KCNMA1: variants seen among roughly 807,000 people sequenced by gnomAD.
KCNMA1 encodes the protein potassium calcium-activated channel subfamily M alpha 1.
In KCNMA1, 29 loss-of-function variants were observed where a neutral mutation model predicts 140.0. The ratio of observed to expected loss-of-function variants is 0.21; its 90% CI spans 0.15 to 0.28. KCNMA1 has a LOEUF of 0.28. Among genes scored for constraint, KCNMA1 ranks in the 10% least tolerant of loss-of-function variants. KCNMA1 has a pLI of 1.00. For synonymous variants in KCNMA1, 612 were observed against 611.9 expected, an observed-to-expected ratio of 1.00 and a Z score of 0.00; for missense variants, 880 against 1,602.2, an observed-to-expected ratio of 0.55 and a Z score of 7.70.
chr10:76,963,242 G>A (rs975187132), intron 20 of KCNMA1, among the ~76,000 whole-genome samples: 2 of 152,142 alleles, frequency 1.3e-5, no homozygotes. Flanking sequence ...CAAAAGAGTG[G>A]TTCTCAAACT....
intron 9 of KCNMA1, among the ~76,000 whole-genome samples, chr10:77,099,635 A>G (rs1263555850): frequency 6.6e-6 from 1 of 151,896 alleles, no homozygotes; most frequent in Non-Finnish European, 1.5e-5. Context: ...AATTGCTTGA[A>G]TCTGGGAGGT....
At chr10:77,106,511 C>T (rs1172201519) in intron 9 of KCNMA1, among the ~76,000 whole-genome samples, 1 of 149,588 alleles carries the variant, frequency 6.7e-6, no homozygotes, top group African/African-American at 2.5e-5. Flanking sequence ...CCAGCTCACC[C>T]ACATTTGACT....
intron 19 of KCNMA1, among the ~76,000 whole-genome samples, chr10:76,992,179 A>T (rs191941729): frequency 6.6e-6 from 1 of 152,182 alleles, no homozygotes; most frequent in African/African-American, 2.4e-5. Flanking sequence ...TCCCTTGAAT[A>T]TGAGAGATTA....
At chr10:77,268,310 A>C (rs572938735) in intron 2 of KCNMA1, among the ~76,000 whole-genome samples, 1 of 152,286 alleles carries the variant, frequency 6.6e-6, no homozygotes, top group African/African-American at 2.4e-5. Context: ...TTCTGTGCCT[A>C]CACACAGGCA....
chr10:77,617,949 A>G (rs1603638692), intron 1 of KCNMA1, among the ~76,000 whole-genome samples: 1 of 152,178 alleles, frequency 6.6e-6, no homozygotes, highest in East Asian at 1.9e-4. Context: ...TCCTGGGTGC[A>G]GTGCTACATT....
At chr10:76,984,988 G>C (rs544632816) in intron 19 of KCNMA1, among the ~76,000 whole-genome samples, 18 of 152,192 alleles carry the variant, frequency 1.2e-4, no homozygotes, top group Non-Finnish European at 1.9e-4. Context: ...TTTATTTCTA[G>C]AAAAGCAGCG....
chr10:77,391,168 A>G (rs988870269), intron 2 of KCNMA1, among the ~76,000 whole-genome samples: 1 of 152,190 alleles, frequency 6.6e-6, no homozygotes, highest in African/African-American at 2.4e-5. Flanking sequence ...TGCCCAGTCC[A>G]TCTACCTTCC....
intron 1 of KCNMA1, chr10:77,493,659 G>A (rs1415349667): frequency 6.6e-6 from 1 of 152,302 alleles, no homozygotes; most frequent in African/African-American, 2.4e-5. Context: ...ACTGGGTGGG[G>A]AGTGTGTGGC....
intron 1 of KCNMA1, among the ~76,000 whole-genome samples, chr10:77,466,154 C>T (rs777424784): frequency 3.3e-4 from 50 of 152,158 alleles, no homozygotes; most frequent in Admixed American, 6.5e-5. Context: ...GCCTGGCTGC[C>T]CTCACTCCTC....
chr10:76,955,952 G>A (rs539778700), intron 20 of KCNMA1, among the ~76,000 whole-genome samples: 1 of 152,272 alleles, frequency 6.6e-6, no homozygotes, highest in Non-Finnish European at 1.5e-5. Context: ...CCTGTTTACT[G>A]GTTGGAGAGA....
At chr10:77,261,786 T>C (rs1268697201) in intron 2 of KCNMA1, among the ~76,000 whole-genome samples, 1 of 152,170 alleles carries the variant, frequency 6.6e-6, no homozygotes, top group Non-Finnish European at 1.5e-5. Flanking sequence ...CCATTTGAGG[T>C]CTAAAGTTGG....
Position 77,112,391 on chromosome 10 carries a change from C to A in KCNMA1, c.936G>T (p.Leu312=). ...CCAAATGGATGAACCCGGCTGCAGT[C>A]AGCCACGTGCTGATAAATATGGAGA... ...NLLSIFISTW[L]TAAGFIHLVE... Residue 312 remains leucine, a synonymous_variant, in exon 7 of 28, where the codon CTG becomes CTT. Coordinates refer to ENST00000286628, the MANE Select transcript of KCNMA1 (RefSeq NM_001161352.2). The A allele has an allele frequency of 6.2e-7, 1 of 1,613,964 alleles. No individual in the cohort carries two copies. The highest frequency in any genetic ancestry group is 1.1e-5 in the South Asian group (1 of 91,070).
At chr10:77,604,506 A>T (rs1002412626) in intron 1 of KCNMA1, among the ~76,000 whole-genome samples, 11 of 151,956 alleles carry the variant, frequency 7.2e-5, no homozygotes, top group African/African-American at 2.7e-4. Flanking sequence ...GCAGTTCAAG[A>T]CCAGCCTGGG....
At chr10:77,620,151 G>A (rs1187943131) in intron 1 of KCNMA1, among the ~76,000 whole-genome samples, 1 of 152,174 alleles carries the variant, frequency 6.6e-6, no homozygotes, top group Non-Finnish European at 1.5e-5. Flanking sequence ...AGGGGCTGTC[G>A]ACTGCAGAAC....
chr10:77,166,498 AACAC>A (rs1411682570), intron 5 of KCNMA1, among the ~76,000 whole-genome samples: 2 of 152,140 alleles, frequency 1.3e-5, no homozygotes, highest in Non-Finnish European at 2.9e-5. Context: ...ATAATACTGC[AACAC>A]ATACTAGTTT....
intron 1 of KCNMA1, among the ~76,000 whole-genome samples, chr10:77,595,095 C>T (rs189740482): frequency 2.0e-5 from 3 of 152,296 alleles, no homozygotes; most frequent in African/African-American, 7.2e-5. Flanking sequence ...CCCGTAATCC[C>T]AGCACTTTGG....
At chr10:76,962,667 T>A (rs1247194784) in intron 20 of KCNMA1, among the ~76,000 whole-genome samples, 1 of 152,244 alleles carries the variant, frequency 6.6e-6, no homozygotes, top group African/African-American at 2.4e-5. Flanking sequence ...AGATGCTCCT[T>A]CGGCAATAAT....
chr10:76,925,206 C>G (rs2057311288), intron 23 of KCNMA1, among the ~76,000 whole-genome samples: 2 of 152,136 alleles, frequency 1.3e-5, no homozygotes, highest in Admixed American at 1.3e-4. Flanking sequence ...TTTAATTCTT[C>G]TGTTTTATCT....
intron 14 of KCNMA1, among the ~76,000 whole-genome samples, chr10:77,045,793 G>A (rs2095017456): frequency 6.6e-6 from 1 of 152,204 alleles, no homozygotes; most frequent in African/African-American, 2.4e-5. Context: ...CTGGCTGGGA[G>A]TATGTTACAG....
Sources: allele counts gnomAD v4.1 joint callset (sites outside exome capture counted in the v4.1 genomes callset), GRCh38; gene constraint gnomAD v4.1.1; transcripts MANE v1.5; gene names NCBI Gene and HGNC (gene_info 2026-07-23, HGNC 2026-07-21).